P2RY14: variants seen among roughly 807,000 people sequenced by gnomAD.
The protein encoded by P2RY14 is purinergic receptor P2Y14.
P2RY14 carries 2 observed loss-of-function variants against 0.9 expected under a neutral mutation model. The observed-to-expected ratio is 2.16, with a 90% CI of 0.88 to 6.79. P2RY14 has a LOEUF of 6.79. Among genes scored for constraint, P2RY14 ranks in the 30% most tolerant of loss-of-function variants. The probability of loss-of-function intolerance (pLI) is 0.05; values close to 1 mark genes in which losing one functional copy is unlikely to be tolerated. For synonymous variants in P2RY14, 158 were observed against 147.2 expected (o/e 1.07, Z -0.53); for missense variants, 378 against 400.1 (o/e 0.94, Z 0.47).
chr3:151,239,791 A>G (rs1192313431), intron 1 of P2RY14, among the ~76,000 whole-genome samples: 1 of 152,162 alleles, frequency 6.6e-6, no homozygotes, highest in African/African-American at 2.4e-5. Flanking sequence ...TGCTTGTTTT[A>G]GCACTCCAGC....
intron 2 of P2RY14, among the ~76,000 whole-genome samples, chr3:151,218,763 A>T (rs1000361948): frequency 6.9e-6 from 1 of 145,948 alleles, no homozygotes; most frequent in Non-Finnish European, 1.5e-5. Context: ...GTTACTTGGG[A>T]GGCTGAGGCA....
intron 2 of P2RY14, among the ~76,000 whole-genome samples, chr3:151,218,988 G>A (rs1728802034): frequency 6.6e-6 from 1 of 150,898 alleles, no homozygotes; most frequent in African/African-American, 2.4e-5. Flanking sequence ...TGAGAATGAA[G>A]TGGTCTGAAA....
chr3:151,277,889 A>C lies in P2RY14; in HGVS notation c.-133+398T>G, dbSNP rs548970573. ...TCTGTACACATATGCAATTGCAAAC[A>C]AAGACATACTGACCTAAGTATTATG... On this transcript the variant is annotated intron_variant, in intron 1 of 2. Transcript: ENST00000309170. Among the ~76,000 whole-genome samples, 23 of 152,396 alleles carry C rather than the reference A, an allele frequency of 1.5e-4. No individual in the cohort carries two copies. In the East Asian group the frequency reaches 4.4e-3, roughly 29 times the overall value.
intron 2 of P2RY14, among the ~76,000 whole-genome samples, chr3:151,215,458 A>C (rs1728023429): frequency 6.6e-6 from 1 of 152,150 alleles, no homozygotes; most frequent in African/African-American, 2.4e-5. Context: ...TTACTCTTAA[A>C]TTTAACTTAA....
chr3:151,236,238 C>T (rs926024004), intron 1 of P2RY14, among the ~76,000 whole-genome samples: 3 of 152,266 alleles, frequency 2.0e-5, no homozygotes, highest in Admixed American at 2.0e-4. Context: ...TAAGGATTTC[C>T]TTAACTGTCA....
At chr3:151,237,079 C>T (rs1050123057) in intron 1 of P2RY14, among the ~76,000 whole-genome samples, 6 of 141,196 alleles carry the variant, frequency 4.2e-5, no homozygotes, top group Middle Eastern at 4.0e-3. Context: ...GACGGAATCT[C>T]GCTCTGTTGC....
intron 1 of P2RY14, among the ~76,000 whole-genome samples, chr3:151,264,759 C>G (rs1739517352): frequency 6.6e-6 from 1 of 152,118 alleles, no homozygotes; most frequent in Non-Finnish European, 1.5e-5. Context: ...CTCAGGCCCA[C>G]CCAGTGCGTG....
At chr3:151,225,915 T>C (rs1347701030) in intron 1 of P2RY14, among the ~76,000 whole-genome samples, 1 of 152,218 alleles carries the variant, frequency 6.6e-6, no homozygotes, top group Admixed American at 6.5e-5. Context: ...CTTGTTGAAA[T>C]CTGCTGTTTA....
chr3:151,271,482 C>T (rs1276986490), intron 1 of P2RY14, among the ~76,000 whole-genome samples: 1 of 152,066 alleles, frequency 6.6e-6, no homozygotes, highest in Non-Finnish European at 1.5e-5. Context: ...TCCTTGTGAC[C>T]TAGTAATTTC....
In P2RY14 at chr3:151,278,366, T is replaced by C. The variant is rs1278325087; in HGVS notation, c.-212A>G. 4.1e-5 allele frequency: 5 copies of C among 120,872 alleles called. No homozygotes were observed. The highest frequency in any genetic ancestry group is 4.3e-5 in the Non-Finnish European group (2 of 46,912). 7.5% of individuals were successfully genotyped at this position (120,872 alleles called of 1,614,324 possible). A position where few individuals can be genotyped will look rare whatever the true frequency, so the allele number is the denominator to read the frequency against. ...CTCATTGTAGGCTCCAAGGTAACAC[T>C]GTTACAGAGTTCTTGCTCATCTTCA... On this transcript the variant is annotated 5_prime_UTR_variant, in exon 1 of 3. Coordinates refer to ENST00000309170, the MANE Select transcript of P2RY14 (RefSeq NM_014879.4).
intron 1 of P2RY14, among the ~76,000 whole-genome samples, chr3:151,220,233 GAGACTAATGTGTGGAC>G (rs1020925918): frequency 6.6e-6 from 1 of 151,572 alleles, no homozygotes; most frequent in Admixed American, 6.6e-5. Context: ...CCAGTGTAAT[GAGACTAATGTGTGGAC>G]TTTGCAGAGA....
intron 1 of P2RY14, among the ~76,000 whole-genome samples, chr3:151,242,873 A>G (rs1390100959): frequency 6.7e-6 from 1 of 149,022 alleles, no homozygotes; most frequent in African/African-American, 2.5e-5. Context: ...TTTGAAAAAA[A>G]TTTAGAAGAA....
intron 1 of P2RY14, among the ~76,000 whole-genome samples, chr3:151,235,584 C>T (rs570221019): frequency 2.0e-5 from 3 of 152,130 alleles, no homozygotes; most frequent in East Asian, 3.9e-4. Context: ...ATCCCAGTTA[C>T]GCGGGAGGCT....
At chr3:151,265,904 C>T (rs1234415179) in intron 1 of P2RY14, among the ~76,000 whole-genome samples, 2 of 152,126 alleles carry the variant, frequency 1.3e-5, no homozygotes. Flanking sequence ...CAGAGTCTTG[C>T]GGCCCTGAGA....
rs544220803 is a variant in P2RY14 at position 151,232,737 on chromosome 3, G to A, written c.-132-13095C>T. ...CACTTATAAGTGGGAGCTAAATCAT[G>A]AGAACTCATGGACACAAAGGGAACA... On this transcript the variant is annotated intron_variant, in intron 1 of 2. Coordinates refer to ENST00000309170, the MANE Select transcript of P2RY14 (RefSeq NM_014879.4). 2.6e-5 allele frequency among the ~76,000 whole-genome samples: 4 copies of A among 152,294 alleles called. No individual in the cohort carries two copies. The South Asian group carries it at 8.3e-4, about 32-fold the overall frequency.
chr3:151,232,008 G>A (rs753279698), intron 1 of P2RY14, among the ~76,000 whole-genome samples: 2 of 152,084 alleles, frequency 1.3e-5, no homozygotes, highest in Non-Finnish European at 2.9e-5. Context: ...ATACACACAC[G>A]TGTGTGTGTT....
intron 1 of P2RY14, among the ~76,000 whole-genome samples, chr3:151,265,204 A>G (rs958277632): frequency 2.0e-5 from 3 of 152,242 alleles, no homozygotes; most frequent in Admixed American, 2.0e-4. Context: ...CAAAGACGGA[A>G]TAAACAAAGG....
At chr3:151,277,315 AT>A (rs1742046832) in intron 1 of P2RY14, among the ~76,000 whole-genome samples, 1 of 151,996 alleles carries the variant, frequency 6.6e-6, no homozygotes, top group Admixed American at 6.6e-5. Flanking sequence ...GTATTCATAA[AT>A]TTTACCGAAA....
chr3:151,213,868 A>C lies in P2RY14; in HGVS notation c.449T>G (p.Leu150Arg). The change falls in exon 3 of 3, where the codon CTC (leucine) becomes CGC (arginine). Residue 150 changes from leucine (L) to arginine (R), a missense_variant. Coordinates refer to ENST00000309170, the MANE Select transcript of P2RY14 (RefSeq NM_014879.4). ...LLSVIVWMLM[L>R]LLAVPNIILT... Reference sequence around the variant, plus strand: ...AATAATATTTGGAACAGCAAGGAGGAGCATGAGCATCCATACTATCACTGA... The same window carrying C: ...AATAATATTTGGAACAGCAAGGAGGCGCATGAGCATCCATACTATCACTGA... 6.2e-7 allele frequency: 1 copy of C among 1,613,992 alleles called. No homozygotes were observed. The highest frequency in any genetic ancestry group is 2.2e-5 in the East Asian group (1 of 44,882).
Sources: allele counts gnomAD v4.1 joint callset (sites outside exome capture counted in the v4.1 genomes callset), GRCh38; gene constraint gnomAD v4.1.1; transcripts MANE v1.5; gene names NCBI Gene and HGNC (gene_info 2026-07-23, HGNC 2026-07-21).